ZNF280A: variants seen among roughly 807,000 people sequenced by gnomAD.
ZNF280A encodes zinc finger protein 280A, also known as suppressor of hairy wing homolog 1.
Under a neutral mutation model 35.9 loss-of-function variants are expected in ZNF280A, and 26 were observed. The observed-to-expected ratio is 0.72, with a 90% confidence interval of 0.53 to 1.01. The LOEUF (loss-of-function observed/expected upper bound fraction) is 1.01. ZNF280A is among the 50% of genes least tolerant of loss of function. The pLI, the probability that ZNF280A is intolerant of heterozygous loss-of-function variation, is 0.00. For synonymous variants in ZNF280A, 231 were observed against 232.9 expected, an observed-to-expected ratio of 0.99 and a Z score of 0.07; for missense variants, 654 against 652.0, an observed-to-expected ratio of 1.00 and a Z score of -0.03.
chr22:22,516,518 A>G (rs1400554783), intron 1 of ZNF280A, among the ~76,000 whole-genome samples: 1 of 151,902 alleles, frequency 6.6e-6, no homozygotes, highest in Non-Finnish European at 1.5e-5. Flanking sequence ...GGAAGGTACC[A>G]TGTTCTCTCC....
Position 22,514,736 on chromosome 22 carries a change from T to C in ZNF280A, c.895A>G (p.Lys299Glu). ...AGAACTTTCACGCAGCTGAGGCATT[T>C]AAAGGTGGTGTGAGTCTTCTGTTCC... ...QPEQKTHTTF[K>E]CLSCVKVLKN... The change falls in exon 2 of 2, where the codon AAA (lysine) becomes GAA (glutamate). Residue 299 changes from lysine (K) to glutamate (E), a missense_variant. Transcript: ENST00000302097. 2 of 1,613,930 alleles carry C rather than the reference T, an allele frequency of 1.2e-6. No homozygotes were observed. Among genetic ancestry groups the C allele is most frequent in the Non-Finnish European group, 1.7e-6 (2 of 1,179,972 alleles).
rs1423671700 is a variant in ZNF280A at position 22,520,191 on chromosome 22, C to T, written c.-174G>A. On this transcript the variant is annotated 5_prime_UTR_variant, in exon 1 of 2. Coordinates refer to ENST00000302097, the MANE Select transcript of ZNF280A (RefSeq NM_080740.5). ...GAAGCTGGAGCTTCCTTGTCTCCAC[C>T]TCCCGGAGAAATTTGTCCAGAGACC... 1 of 152,018 alleles carries T rather than the reference C, an allele frequency of 6.6e-6. No individual in the cohort carries two copies. Among genetic ancestry groups the T allele is most frequent in the Non-Finnish European group, 1.5e-5 (1 of 68,056 alleles). The allele number at this position is 152,018 out of a possible 1,614,324, so 9.4% of individuals were successfully genotyped here. A position where few individuals can be genotyped will look rare whatever the true frequency, so the allele number is the denominator to read the frequency against.
In ZNF280A at chr22:22,515,290, G is replaced by A; in HGVS notation, c.341C>T (p.Pro114Leu). Residue 114 changes from proline to leucine, a missense_variant, in exon 2 of 2, where the codon CCT (proline) becomes CTT (leucine). Physicochemically the swap from Pro to Leu is moderately conservative, Grantham distance 98 (BLOSUM62 -3). Coordinates refer to ENST00000302097, the MANE Select transcript of ZNF280A (RefSeq NM_080740.5). ...SLSEGRSTDS[P>L]VTMKSSSEPG... is the part of the protein sequence containing the mutation. ...TTCAGATGAAGACTTCATAGTGACA[G>A]GACTATCTGTCGATCGCCCCTCAGA... is the stretch of plus-strand genomic sequence containing the variant. 6.2e-7 allele frequency: 1 copy of A among 1,613,878 alleles called. No homozygotes were observed. Among genetic ancestry groups the A allele is most frequent in the Non-Finnish European group, 8.5e-7 (1 of 1,179,964 alleles).
chr22:22,518,205 A>G (rs976421093), intron 1 of ZNF280A, among the ~76,000 whole-genome samples: 1 of 151,796 alleles, frequency 6.6e-6, no homozygotes, highest in East Asian at 2.0e-4. Context: ...GATTACAGGC[A>G]TGAGCCACTG....
chr22:22,515,090 C>T lies in ZNF280A; in HGVS notation c.541G>A (p.Val181Ile), dbSNP rs1247452890. Reference sequence around the variant, plus strand: ...CCTGGGATTCCATCCCTGAGTTTAACCCTTTTGGAATCTCTGCTGTTTATA... The same window carrying T: ...CCTGGGATTCCATCCCTGAGTTTAATCCTTTTGGAATCTCTGCTGTTTATA... ...SDINSRDSKR[V>I]KLRDGIPGVP... is the part of the protein sequence containing the mutation. The change falls in exon 2 of 2, where the codon GTT becomes ATT. Residue 181 changes from valine (V) to isoleucine (I), a missense_variant. By Grantham distance (29) the Val-to-Ile change is conservative. Coordinates refer to ENST00000302097, the MANE Select transcript of ZNF280A (RefSeq NM_080740.5). The T allele has an allele frequency of 1.2e-6, 2 of 1,613,890 alleles. No homozygotes were observed. The highest frequency in any genetic ancestry group is 8.5e-7 in the Non-Finnish European group (1 of 1,179,980).
At position 22,515,537 on chromosome 22, in the gene ZNF280A, G is replaced by A; in HGVS notation, c.94C>T (p.Leu32=). 1.2e-6 allele frequency: 2 copies of A among 1,613,650 alleles called. No homozygotes were observed. The highest frequency in any genetic ancestry group is 1.7e-6 in the Non-Finnish European group (2 of 1,179,914). Residue 32 remains leucine, a synonymous_variant, in exon 2 of 2, where the codon CTG becomes TTG. Coordinates refer to ENST00000302097, the MANE Select transcript of ZNF280A (RefSeq NM_080740.5). ...QREEDDEDPD[L]IYVGVEHVHR... ...ACATGCTCCACCCCAACATAGATCA[G>A]ATCTGGATCTTCATCATCCTCCTCC...
In ZNF280A at chr22:22,518,514, C is replaced by T. The variant is rs555869699; in HGVS notation, c.-72+1575G>A. On this transcript the variant is annotated intron_variant, in intron 1 of 1. Transcript: ENST00000302097. ...TAAACATGCAAAAGGAAGCGGGGCG[C>T]GGTGGCTCACGCCTGTAATCCCAGC... 1.4e-3 allele frequency among the ~76,000 whole-genome samples: 217 copies of T among 151,630 alleles called. 3 individuals carry two copies. Among genetic ancestry groups the T allele is most frequent in the African/African-American group, 4.7e-3 (196 of 41,412 alleles).
Position 22,514,906 on chromosome 22 carries a change from G to A in ZNF280A, c.725C>T (p.Pro242Leu), listed in dbSNP as rs2062051231. The A allele has an allele frequency of 3.1e-6, 5 of 1,613,718 alleles. No homozygotes were observed. The highest frequency in any genetic ancestry group is 4.2e-6 in the Non-Finnish European group (5 of 1,179,868). ...CAGGGCAGACTCACTTGCTCTCTCTGGATCTGTAAGATTGAAATGTGCCTT... is the reference window on the plus strand; with the variant it reads ...CAGGGCAGACTCACTTGCTCTCTCTAGATCTGTAAGATTGAAATGTGCCTT... ...NGKAHFNLTD[P>L]ERASESALAM... is the part of the protein sequence containing the mutation. The change falls in exon 2 of 2, where the codon CCA becomes CTA. Residue 242 changes from proline to leucine, a missense_variant. By Grantham distance (98) the Pro-to-Leu change is moderately conservative. Coordinates refer to ENST00000302097, the MANE Select transcript of ZNF280A (RefSeq NM_080740.5).
At chr22:22,519,446 T>A (rs934231796) in intron 1 of ZNF280A, among the ~76,000 whole-genome samples, 2 of 151,974 alleles carry the variant, frequency 1.3e-5, no homozygotes, top group South Asian at 4.2e-4. Flanking sequence ...AAAAATAAAT[T>A]AATAAATTAA....
At position 22,513,910 on chromosome 22, in the gene ZNF280A, A is replaced by G. The variant is rs2062037411; in HGVS notation, c.*92T>C. ...GTAAAAAACAACCTGACAGTTGATG[A>G]CATTGCTTGCTAGCATCTACAGCCA... On this transcript the variant is annotated 3_prime_UTR_variant, in exon 2 of 2. Transcript: ENST00000302097. 4.0e-6 allele frequency: 3 copies of G among 754,868 alleles called. No homozygotes were observed. Among genetic ancestry groups the G allele is most frequent in the South Asian group, 1.7e-5 (1 of 57,526 alleles). 46.8% of individuals were successfully genotyped at this position (754,868 alleles called of 1,614,324 possible).
At chr22:22,518,859 C>T (rs361912) in intron 1 of ZNF280A, among the ~76,000 whole-genome samples, 72,838 of 150,734 alleles carry the variant, frequency 0.48, 19,243 homozygotes, top group African/African-American at 0.68. Flanking sequence ...CAGTGTTCAC[C>T]ATAAAGTGTT....
chr22:22,515,846 CATA>C, intron 1 of ZNF280A, 145 bp from the exon 2 acceptor site: 2 of 787,952 alleles, frequency 2.5e-6, no homozygotes, highest in South Asian at 6.3e-5. Flanking sequence ...TTTTAAATGG[CATA>C]ATAATTTCAA....
Position 22,514,761 on chromosome 22 carries a change from C to G in ZNF280A, c.870G>C (p.Pro290=). The change falls in exon 2 of 2, where the codon CCG becomes CCC. Residue 290 remains proline, a synonymous_variant. Coordinates refer to ENST00000302097, the MANE Select transcript of ZNF280A (RefSeq NM_080740.5). ...YYGQHKGDGQ[P]EQKTHTTFKC... ...TAAAGGTGGTGTGAGTCTTCTGTTC[C>G]GGCTGCCCATCTCCTTTATGCTGTC... The G allele has an allele frequency of 8.7e-6, 14 of 1,613,830 alleles. No homozygotes were observed. Among genetic ancestry groups the G allele is most frequent in the Non-Finnish European group, 1.1e-5 (13 of 1,179,956 alleles).
At position 22,518,016 on chromosome 22, in the gene ZNF280A, G is replaced by C. The variant is rs566439159; in HGVS notation, c.-72+2073C>G. On this transcript the variant is annotated intron_variant, in intron 1 of 1. Transcript: ENST00000302097. ...CTCGGCTCACTGCAGGCTCCGCCCC[G>C]CGGGGTTCACGCCATTCTCCTGCCT... Among the ~76,000 whole-genome samples, 2 of 148,238 alleles carry C rather than the reference G, an allele frequency of 1.3e-5. 1 individual carries two copies. Among genetic ancestry groups the C allele is most frequent in the East Asian group, 4.2e-4 (2 of 4,788 alleles).
chr22:22,514,448 C>T lies in ZNF280A; in HGVS notation c.1183G>A (p.Val395Met), dbSNP rs754598863. 2.7e-5 allele frequency: 43 copies of T among 1,613,810 alleles called. No individual in the cohort carries two copies. Among genetic ancestry groups the T allele is most frequent in the Admixed American group, 5.0e-5 (3 of 59,972 alleles). ...GATCTGTAATGGCAAACCTGGCACA[C>T]ATAAGGCATTTCGCCAGGCTTATGA... is the stretch of plus-strand genomic sequence containing the variant. ...DHHKPGEMPY[V>M]CQVCHYRSSV... Residue 395 changes from valine (V) to methionine (M), a missense_variant, in exon 2 of 2, where the codon GTG (valine) becomes ATG (methionine). Physicochemically the swap from Val to Met is conservative, Grantham distance 21. Coordinates refer to ENST00000302097, the MANE Select transcript of ZNF280A (RefSeq NM_080740.5).
chr22:22,517,987 C>T (rs1417227018), intron 1 of ZNF280A, among the ~76,000 whole-genome samples: 8 of 145,774 alleles, frequency 5.5e-5, no homozygotes, highest in South Asian at 2.1e-4. Context: ...TGCAGTGGTG[C>T]GATCTCGGCT....
intron 1 of ZNF280A, among the ~76,000 whole-genome samples, chr22:22,517,549 A>G (rs1194661848): frequency 3.3e-5 from 5 of 151,950 alleles, no homozygotes; most frequent in South Asian, 2.1e-4. Flanking sequence ...AATTGAAACA[A>G]AAGTTTTGTC....
In ZNF280A at chr22:22,514,191, C is replaced by T. The variant is rs765568927; in HGVS notation, c.1440G>A (p.Pro480=). The T allele has an allele frequency of 1.6e-5, 26 of 1,613,532 alleles. No homozygotes were observed. The highest frequency in any genetic ancestry group is 1.2e-4 in the Admixed American group (7 of 59,926). ...CACTAGGCAACCCTTGCAGTTGCTC[C>T]GGCTTTTTAAATGTTTGATGGTCCT... The part of the protein sequence containing the change: ...KTKDHQTFKK[P]EQLQGLPSET... Residue 480 remains proline, a synonymous_variant, in exon 2 of 2, where the codon CCG becomes CCA. Transcript: ENST00000302097.
rs117271925 is a variant in ZNF280A, at chr22:22,513,992, G to C, written c.*10C>G. The C allele has an allele frequency of 1.4e-6, 2 of 1,465,912 alleles. No homozygotes were observed. The highest frequency in any genetic ancestry group is 1.9e-6 in the Non-Finnish European group (2 of 1,064,026). The allele number at this position is 1,465,912 out of a possible 1,614,324, so 90.8% of individuals were successfully genotyped here. A position where few individuals can be genotyped will look rare whatever the true frequency, so the allele number is the denominator to read the frequency against. Reference sequence around the variant, plus strand: ...CTTTCGGAACTCCTGGAAGTCAGTCGAACATATTTTCAGCTAGAATCCTTG... The same window carrying C: ...CTTTCGGAACTCCTGGAAGTCAGTCCAACATATTTTCAGCTAGAATCCTTG... On this transcript the variant is annotated 3_prime_UTR_variant, in exon 2 of 2. Coordinates refer to ENST00000302097, the MANE Select transcript of ZNF280A (RefSeq NM_080740.5).
Sources: gnomAD v4.1 joint callset for allele counts (sites outside exome capture counted in the v4.1 genomes callset) on GRCh38, gnomAD v4.1.1 for gene constraint, MANE v1.5 for transcripts, NCBI Gene and HGNC (gene_info 2026-07-23, HGNC 2026-07-21) for gene names.